Variants in RNF44 observed in about 807,000 individuals in gnomAD.
The protein encoded by RNF44 is ring finger protein 44.
A neutral mutation model predicts 53.6 loss-of-function variants in RNF44; 25 were observed. The observed-to-expected ratio is 0.47, with a 90% CI of 0.34 to 0.65. RNF44 has a LOEUF of 0.65. RNF44 is among the 30% of genes least tolerant of loss of function. RNF44 has a pLI of 0.01. For missense variants in RNF44, 581 were observed against 595.5 expected (o/e 0.98, Z 0.25); for synonymous variants, 282 against 252.2 (o/e 1.12, Z -1.12).
chr5:176,530,602 G>C lies in RNF44; in HGVS notation c.781C>G (p.Gln261Glu). ...CTCACCACACCAAAGGACAGCTCCT[G>C]GTGCAGCGGATCGTGGGGCAGGTAG... ...LHYLPHDPLHQELSFGVPYSH... is the reference protein window; with the variant it reads ...LHYLPHDPLHEELSFGVPYSH... The change falls in exon 6 of 11, where the codon CAG becomes GAG. Residue 261 changes from glutamine (Q) to glutamate (E), a missense_variant. Physicochemically the swap from Gln to Glu is conservative, Grantham distance 29. Around this residue, in one of 3 missense-constraint regions of RNF44, gnomAD observed 387 missense variants for 366.0 expected, o/e 1.06. Coordinates refer to ENST00000274811, the MANE Select transcript of RNF44 (RefSeq NM_014901.5). The C allele has an allele frequency of 6.7e-7, 1 of 1,489,908 alleles. No individual in the cohort carries two copies. The highest frequency in any genetic ancestry group is 8.9e-7 in the Non-Finnish European group (1 of 1,124,480). 92.3% of individuals were successfully genotyped at this position (1,489,908 alleles called of 1,614,324 possible). A position where few individuals can be genotyped will look rare whatever the true frequency, so the allele number is the denominator to read the frequency against.
In RNF44 at chr5:176,531,677, G is replaced by T. The variant is rs371318250; in HGVS notation, c.298-47C>A. On this transcript the variant is annotated intron_variant, in intron 3 of 10. Transcript: ENST00000274811. The surrounding 1 kb of genome is among the most constrained non-coding windows in gnomAD (Gnocchi z 4.2). ...GGAAAGTATGAAAAGGAAGCTGACC[G>T]CGAGGGCTACTCTCAGGAGAAATCA... The T allele has an allele frequency of 3.4e-5, 53 of 1,545,884 alleles. No individual in the cohort carries two copies. The African/African-American group carries it at 4.1e-4, about 12-fold the overall frequency.
Position 176,531,096 on chromosome 5 carries a change from A to G in RNF44, c.466-75T>C, listed in dbSNP as rs776542978. 1.1e-4 allele frequency: 123 copies of G among 1,115,160 alleles called. No individual in the cohort carries two copies. The highest frequency in any genetic ancestry group is 1.5e-4 in the Non-Finnish European group (120 of 825,652). 69.1% of individuals were successfully genotyped at this position (1,115,160 alleles called of 1,614,324 possible). The stretch of plus-strand genomic sequence containing the variant: ...CCAGGTCTACGCCATGCCACCCAGC[A>G]AAAGGCCCCCACCGGGCACACACCC... On this transcript the variant is annotated intron_variant, in intron 4 of 10. Coordinates refer to ENST00000274811, the MANE Select transcript of RNF44 (RefSeq NM_014901.5). This position sits in a 1 kb window ranked among gnomAD's most constrained non-coding sequence, Gnocchi z 4.2.
upstream of RNF44, among the ~76,000 whole-genome samples, chr5:176,540,085 C>T (rs887449993): frequency 3.3e-5 from 5 of 152,284 alleles, no homozygotes; most frequent in South Asian, 4.1e-4. Flanking sequence ...CATTTTTGAA[C>T]GCAGAGCTAG....
At chr5:176,536,228 GA>G (rs2113191152) in intron 1 of RNF44, 1 of 152,428 alleles carries the variant, frequency 6.6e-6, no homozygotes, top group Non-Finnish European at 1.5e-5. Flanking sequence ...CAGACTAGGA[GA>G]GAAGACTCCC....
chr5:176,530,887 CA>C lies in RNF44; in HGVS notation c.599del (p.Leu200ArgfsTer73). 1 of 383,928 alleles carries C rather than the reference CA, an allele frequency of 2.6e-6. No individual in the cohort carries two copies. Among genetic ancestry groups the C allele is most frequent in the Non-Finnish European group, 3.6e-6 (1 of 278,036 alleles). 23.8% of individuals were successfully genotyped at this position (383,928 alleles called of 1,614,324 possible). A position where few individuals can be genotyped will look rare whatever the true frequency, so the allele number is the denominator to read the frequency against. On this transcript the variant is annotated frameshift_variant, in exon 5 of 11. Coordinates refer to ENST00000274811, the MANE Select transcript of RNF44 (RefSeq NM_014901.5). LOFTEE classifies it high-confidence loss of function. Reference sequence around the variant, plus strand: ...GGGTCTGCAGAGACACAAACTGCCCCAGGGGCGCCATGTGGGTGGGCTGGGG... The same window carrying C: ...GGGTCTGCAGAGACACAAACTGCCCCGGGGCGCCATGTGGGTGGGCTGGGG... The part of the protein sequence containing the change: ...PPPQPTHMAP[L>X]GQFVSLQTQH...
chr5:176,533,965 G>T (rs998152938), intron 1 of RNF44, among the ~76,000 whole-genome samples: 3 of 152,200 alleles, frequency 2.0e-5, no homozygotes, highest in South Asian at 2.1e-4. Context: ...TCACCTCCCT[G>T]TTGACACAGC....
At position 176,530,914 on chromosome 5, in the gene RNF44, G is replaced by GGGTGGGGCCGGT. The variant is rs1172850369; in HGVS notation, c.561_572dup (p.Ala189_Pro192dup). On this transcript the variant is annotated inframe_insertion, in exon 5 of 11. Coordinates refer to ENST00000274811, the MANE Select transcript of RNF44 (RefSeq NM_014901.5). ...GGGGCGCCATGTGGGTGGGCTGGGG[G>GGGTGGGGCCGGT]GGTGGGGCCGGTGGTGGGGGGTGCA... The GGGTGGGGCCGGT allele has an allele frequency of 3.0e-6, 4 of 1,326,670 alleles. No homozygotes were observed. Among genetic ancestry groups the GGGTGGGGCCGGT allele is most frequent in the Non-Finnish European group, 4.0e-6 (4 of 996,378 alleles). 82.2% of individuals were successfully genotyped at this position (1,326,670 alleles called of 1,614,324 possible). A position where few individuals can be genotyped will look rare whatever the true frequency, so the allele number is the denominator to read the frequency against.
At chr5:176,539,369 T>A (rs1581120471), upstream of RNF44, among the ~76,000 whole-genome samples, 1 of 152,356 alleles carries the variant, frequency 6.6e-6, no homozygotes, top group East Asian at 1.9e-4. Flanking sequence ...ACCTTTTGTT[T>A]TCCCCACCAC....
intron 6 of RNF44, 70 bp from the exon 7 acceptor site, chr5:176,530,276 A>AGCCGCCCCGGAGCCCAGGTGGGG (rs1756467256): frequency 4.7e-5 from 14 of 299,926 alleles, no homozygotes; most frequent in Admixed American, 1.2e-4. Context: ...CCCAGGTGCA[A>AGCCGCCCCGGAGCCCAGGTGGGG]GTCAGCCCGG....
chr5:176,529,454 C>G (rs1408795698), intron 9 of RNF44, 67 bp from the exon 10 acceptor site: 10 of 1,606,826 alleles, frequency 6.2e-6, no homozygotes, highest in Admixed American at 3.3e-5. Flanking sequence ...GAGTGTGACT[C>G]CCCTGAGAGG....
rs1756290730 is a variant in RNF44 at position 176,528,935 on chromosome 5, GCCTGGGCCACTCCCTCCCCATCCTC to G, written c.*68_*92del. On this transcript the variant is annotated 3_prime_UTR_variant, in exon 11 of 11. Transcript: ENST00000274811. ...AATGCAGGCAGGAGCGAAGGGGCAG[GCCTGGGCCACTCCCTCCCCATCCTC>G]CCTGGGCCCCACCCACAAGTTTCCA... 1.6e-6 allele frequency: 2 copies of G among 1,261,502 alleles called. No homozygotes were observed. Among genetic ancestry groups the G allele is most frequent in the South Asian group, 1.4e-5 (1 of 73,740 alleles). 78.1% of individuals were successfully genotyped at this position (1,261,502 alleles called of 1,614,324 possible).
At chr5:176,532,650 T>G (rs1360745087) in intron 1 of RNF44, 134 bp from the exon 2 acceptor site, 9 of 672,968 alleles carry the variant, frequency 1.3e-5, no homozygotes, top group African/African-American at 1.9e-5. Context: ...GGCTGAGGCA[T>G]GAGAATCGCT....
intron 1 of RNF44, among the ~76,000 whole-genome samples, chr5:176,536,648 T>A (rs772996945): frequency 2.6e-5 from 4 of 152,028 alleles, no homozygotes; most frequent in Admixed American, 2.0e-4. Flanking sequence ...CCGGACCATG[T>A]GCTCGGCGTG....
chr5:176,539,366 G>T (rs1018666396), upstream of RNF44, among the ~76,000 whole-genome samples: 1 of 152,184 alleles, frequency 6.6e-6, no homozygotes, highest in Non-Finnish European at 1.5e-5. Flanking sequence ...TCAACCTTTT[G>T]TTTTCCCCAC....
upstream of RNF44, chr5:176,542,725 A>T (rs1227586893): frequency 6.6e-6 from 1 of 152,210 alleles, no homozygotes; most frequent in Non-Finnish European, 1.5e-5. Context: ...TGGGCAAGAC[A>T]CGGACTCTCT....
rs764954351 is a variant in RNF44, at chr5:176,530,831, G to A, written c.639+17C>T. 2.6e-4 allele frequency: 313 copies of A among 1,201,488 alleles called. 2 individuals are homozygous for A. The Middle Eastern group carries it at 5.2e-3, about 20-fold the overall frequency. 74.4% of individuals were successfully genotyped at this position (1,201,488 alleles called of 1,614,324 possible). ...CCCACGCCATCTCCCTCCAGCATCG[G>A]ACCCATGCCGACTCACCATCCGAGG... On this transcript the variant is annotated intron_variant, in intron 5 of 10. Transcript: ENST00000274811.
intron 1 of RNF44, among the ~76,000 whole-genome samples, chr5:176,533,186 G>A (rs563032405): frequency 8.5e-5 from 13 of 152,282 alleles, no homozygotes; most frequent in Admixed American, 8.5e-4. Flanking sequence ...CCTTCCCTCT[G>A]GCTGGTTCCA....
chr5:176,536,605 G>T (rs890451337), intron 1 of RNF44, among the ~76,000 whole-genome samples: 1 of 152,216 alleles, frequency 6.6e-6, no homozygotes, highest in Non-Finnish European at 1.5e-5. Flanking sequence ...CAGCGCAGGG[G>T]CCAGAACGCT....
chr5:176,541,664 C>T (rs996203845), upstream of RNF44, among the ~76,000 whole-genome samples: 5 of 152,180 alleles, frequency 3.3e-5, no homozygotes, highest in African/African-American at 1.2e-4. Flanking sequence ...ATGTTTCCTG[C>T]TGGGGCCCTG....
Sources: gnomAD v4.1 joint callset for allele counts (sites outside exome capture counted in the v4.1 genomes callset) on GRCh38, gnomAD v4.1.1 for gene constraint, gnomAD v4.1.1 regional missense constraint, Gnocchi (gnomAD v3.1) non-coding constraint, MANE v1.5 for transcripts, NCBI Gene and HGNC (gene_info 2026-07-23, HGNC 2026-07-21) for gene names.